Variants in AGMO observed in about 807,000 individuals in gnomAD.
The protein encoded by AGMO is glyceryl-ether monooxygenase.
AGMO carries 75 observed loss-of-function variants against 60.2 expected under a neutral mutation model. The observed-to-expected ratio is 1.25, with a 90% CI of 1.03 to 1.51. The LOEUF is 1.51. AGMO is among the 40% of genes most tolerant of loss of function. The pLI is 0.00. For missense variants in AGMO, 763 were observed against 525.5 expected, an observed-to-expected ratio of 1.45 and a Z score of -4.42; for synonymous variants, 261 against 177.1, an observed-to-expected ratio of 1.47 and a Z score of -3.76.
chr7:15,187,503 T>G, the AGMO span, among the ~76,000 whole-genome samples: 1 of 152,198 alleles, frequency 6.6e-6, no homozygotes, highest in African/African-American at 2.4e-5. Flanking sequence ...TTTCATCACG[T>G]TAGTCATAAA....
chr7:15,461,309 A>T (rs973490008), intron 3 of AGMO, among the ~76,000 whole-genome samples: 1 of 151,762 alleles, frequency 6.6e-6, no homozygotes, highest in African/African-American at 2.4e-5. Flanking sequence ...TGTAAAAAAA[A>T]CTTTATACCC....
intron 3 of AGMO, among the ~76,000 whole-genome samples, chr7:15,536,760 A>G (rs527804918): frequency 1.3e-5 from 2 of 152,134 alleles, no homozygotes; most frequent in South Asian, 4.1e-4. Context: ...AGAAATAAAT[A>G]TCTAAGCTGA....
intron 12 of AGMO, among the ~76,000 whole-genome samples, chr7:15,231,828 G>C (rs1387451988): frequency 6.6e-6 from 1 of 152,136 alleles, no homozygotes; most frequent in East Asian, 1.9e-4. Context: ...CTGGTACAAA[G>C]CTGTGCAGCT....
At chr7:15,357,245 A>C (rs1226923520) in intron 12 of AGMO, among the ~76,000 whole-genome samples, 1 of 149,670 alleles carries the variant, frequency 6.7e-6, no homozygotes, top group Non-Finnish European at 1.5e-5. Flanking sequence ...TTGAACCCAA[A>C]AGTACGTATA....
At chr7:15,194,692 C>G in the AGMO span, among the ~76,000 whole-genome samples, 3 of 152,128 alleles carry the variant, frequency 2.0e-5, no homozygotes, top group Non-Finnish European at 4.4e-5. Context: ...CAGTACTTAG[C>G]TTACTAAATA....
chr7:15,141,194 T>G, the AGMO span, among the ~76,000 whole-genome samples: 1 of 152,176 alleles, frequency 6.6e-6, no homozygotes, highest in Non-Finnish European at 1.5e-5. Context: ...TAGGACAGGC[T>G]GCAGTTTCAG....
the AGMO span, among the ~76,000 whole-genome samples, chr7:15,118,549 C>T: frequency 6.6e-6 from 1 of 152,014 alleles, no homozygotes; most frequent in African/African-American, 2.4e-5. Flanking sequence ...TAACAAAAAT[C>T]ATTGACTTCC....
At chr7:15,364,126 T>C (rs933042950) in intron 12 of AGMO, among the ~76,000 whole-genome samples, 6 of 151,946 alleles carry the variant, frequency 3.9e-5, no homozygotes, top group Admixed American at 2.6e-4. Context: ...ATTCACATTA[T>C]ATATATAATG....
intron 12 of AGMO, among the ~76,000 whole-genome samples, chr7:15,242,997 G>A (rs1782636574): frequency 6.6e-6 from 1 of 152,050 alleles, no homozygotes; most frequent in East Asian, 1.9e-4. Context: ...GGGGCAAGAT[G>A]TCAGTGGGGG....
In AGMO at chr7:15,235,445, G is replaced by A. The variant is rs150536057; in HGVS notation, c.1264-34086C>T. 9.2e-3 allele frequency among the ~76,000 whole-genome samples: 1,406 copies of A among 152,098 alleles called. 33 individuals are homozygous for A. Among genetic ancestry groups the A allele is most frequent in the African/African-American group, 0.031 (1,305 of 41,520 alleles). On this transcript the variant is annotated intron_variant, in intron 12 of 12. Coordinates refer to ENST00000342526, the MANE Select transcript of AGMO (RefSeq NM_001004320.2). ...TTATCAAGTAAGGTTGAAATTTAAG[G>A]TTTCTTCATTTATCCACTAGTGAGT...
intron 4 of AGMO, among the ~76,000 whole-genome samples, chr7:15,428,419 T>C (rs2128497512): frequency 6.6e-6 from 1 of 152,294 alleles, no homozygotes; most frequent in South Asian, 2.1e-4. Context: ...ATTCAGCACA[T>C]TCCCTAACAA....
At chr7:15,172,108 A>C in the AGMO span, among the ~76,000 whole-genome samples, 1 of 152,202 alleles carries the variant, frequency 6.6e-6, no homozygotes, top group Non-Finnish European at 1.5e-5. Context: ...CTTAGAGCAG[A>C]AGCTCCAGAT....
At chr7:15,254,027 A>C in intron 12 of AGMO, among the ~76,000 whole-genome samples, 1 of 152,134 alleles carries the variant, frequency 6.6e-6, no homozygotes, top group East Asian at 1.9e-4. Context: ...TCACAAAATG[A>C]CAGGCAAATA....
In AGMO at chr7:15,387,523, G is replaced by A. The variant is rs143267895; in HGVS notation, c.840C>T (p.Ser280=). ...PIKVQFHHLF[S]IWTTFWATPG... The stretch of plus-strand genomic sequence containing the variant: ...GTGTGGCCCAGAATGTAGTCCATAT[G>A]GAAAATAAGTGATGGAACTAGAAAC... The change falls in exon 9 of 13, where the codon TCC becomes TCT. Residue 280 remains serine (S), a synonymous_variant. Coordinates refer to ENST00000342526, the MANE Select transcript of AGMO (RefSeq NM_001004320.2). The A allele has an allele frequency of 9.6e-5, 154 of 1,609,498 alleles. No individual in the cohort carries two copies. The African/African-American group carries it at 1.4e-3, about 14-fold the overall frequency.
At chr7:15,211,471 T>C (rs1348027202) in intron 12 of AGMO, among the ~76,000 whole-genome samples, 3 of 152,054 alleles carry the variant, frequency 2.0e-5, no homozygotes, top group Admixed American at 1.3e-4. Flanking sequence ...CATAAAACTT[T>C]AGTGGGTAAC....
At chr7:15,321,620 T>C (rs1006623349) in intron 12 of AGMO, among the ~76,000 whole-genome samples, 1 of 152,130 alleles carries the variant, frequency 6.6e-6, no homozygotes, top group Non-Finnish European at 1.5e-5. Flanking sequence ...TTGAATTTAA[T>C]AGTGCAAGAT....
At chr7:15,135,381 C>G in the AGMO span, among the ~76,000 whole-genome samples, 1 of 152,078 alleles carries the variant, frequency 6.6e-6, no homozygotes, top group Non-Finnish European at 1.5e-5. Context: ...AGAACATCAC[C>G]TCTCAAATTA....
intron 10 of AGMO, among the ~76,000 whole-genome samples, chr7:15,372,403 G>A (rs1783256280): frequency 6.6e-6 from 1 of 152,074 alleles, no homozygotes; most frequent in Non-Finnish European, 1.5e-5. Context: ...TTGCAGTGAG[G>A]CAAGATCATG....
the AGMO span, among the ~76,000 whole-genome samples, chr7:15,127,419 C>T: frequency 4.0e-5 from 6 of 151,836 alleles, no homozygotes; most frequent in African/African-American, 7.3e-5. Context: ...ACGAGTAATA[C>T]GTAAATAAAT....
Sources: allele counts gnomAD v4.1 joint callset (sites outside exome capture counted in the v4.1 genomes callset), GRCh38; gene constraint gnomAD v4.1.1; transcripts MANE v1.5; gene names NCBI Gene and HGNC (gene_info 2026-07-23, HGNC 2026-07-21).